Variants in RBFOX1 observed in about 807,000 individuals in gnomAD.
The protein encoded by RBFOX1 is RNA binding protein fox-1 homolog 1.
Under a neutral mutation model 57.7 loss-of-function variants are expected in RBFOX1, and 8 were observed. The observed-to-expected ratio is 0.14, with a 90% CI of 0.08 to 0.25. The LOEUF is 0.25. Ranked by LOEUF, RBFOX1 falls within the 10% of genes least tolerant of loss-of-function variation. The probability of loss-of-function intolerance (pLI) is 1.00; values close to 1 mark genes in which losing one functional copy is unlikely to be tolerated. For missense variants in RBFOX1, 611 were observed against 548.5 expected (o/e 1.11, Z -1.14); for synonymous variants, 326 against 222.4 (o/e 1.47, Z -4.15).
At chr16:6,164,465 A>G (rs941942214) in intron 1 of RBFOX1, among the ~76,000 whole-genome samples, 1 of 131,530 alleles carries the variant, frequency 7.6e-6, no homozygotes, top group Admixed American at 8.1e-5. Flanking sequence ...GCATTGTTAT[A>G]TTGATTTTTT....
At chr16:5,351,152 G>C (rs769307885) in intron 1 of RBFOX1, among the ~76,000 whole-genome samples, 1 of 152,172 alleles carries the variant, frequency 6.6e-6, no homozygotes, top group Non-Finnish European at 1.5e-5. Flanking sequence ...CCCATGATGG[G>C]AGTCAGACTG....
At chr16:6,208,197 A>G (rs1361961150) in intron 1 of RBFOX1, among the ~76,000 whole-genome samples, 1 of 152,008 alleles carries the variant, frequency 6.6e-6, no homozygotes, top group Non-Finnish European at 1.5e-5. Context: ...TTTTTGTAAA[A>G]CTATAAGTTT....
intron 4 of RBFOX1, among the ~76,000 whole-genome samples, chr16:5,912,125 C>T (rs898239267): frequency 6.6e-6 from 1 of 152,152 alleles, no homozygotes; most frequent in African/African-American, 2.4e-5. Flanking sequence ...CAGACCTGAG[C>T]TTCACACCCA....
intron 4 of RBFOX1, among the ~76,000 whole-genome samples, chr16:7,309,150 C>T (rs1009102819): frequency 6.6e-6 from 1 of 152,194 alleles, no homozygotes; most frequent in Admixed American, 6.5e-5. Context: ...CAGTCTCTTT[C>T]TAGAGGGATG....
intron 3 of RBFOX1, among the ~76,000 whole-genome samples, chr16:6,779,784 TTTTTATATATAC>T (rs1221912579): frequency 0.075 from 492 of 6,526 alleles, 142 homozygotes; most frequent in African/African-American, 0.42. Flanking sequence ...TTTATATATA[TTTTTATATATAC>T]TTTTATATAT....
At chr16:5,899,714 A>T (rs1490489682) in intron 4 of RBFOX1, among the ~76,000 whole-genome samples, 1 of 152,182 alleles carries the variant, frequency 6.6e-6, no homozygotes, top group Non-Finnish European at 1.5e-5. Flanking sequence ...GGGGCCATGG[A>T]AGATTCCAAC....
intron 3 of RBFOX1, among the ~76,000 whole-genome samples, chr16:6,713,825 C>G (rs1328385297): frequency 6.6e-6 from 1 of 152,096 alleles, no homozygotes; most frequent in East Asian, 1.9e-4. Context: ...AGACTTCTCC[C>G]AGGTAGTAGG....
intron 2 of RBFOX1, among the ~76,000 whole-genome samples, chr16:5,531,719 C>T (rs930661881): frequency 6.6e-6 from 1 of 152,122 alleles, no homozygotes; most frequent in African/African-American, 2.4e-5. Flanking sequence ...ATAGCAAGAG[C>T]CCATTAAGTA....
At chr16:7,276,892 C>A (rs1013804834) in intron 4 of RBFOX1, among the ~76,000 whole-genome samples, 4 of 152,100 alleles carry the variant, frequency 2.6e-5, no homozygotes, top group African/African-American at 9.7e-5. Flanking sequence ...TGAGTGGAAT[C>A]TCAAATGTTT....
chr16:7,388,512 T>C (rs74012528), intron 4 of RBFOX1, among the ~76,000 whole-genome samples: 12,354 of 152,034 alleles, frequency 0.081, 544 homozygotes, highest in East Asian at 0.2. Flanking sequence ...ACTTGTTTCA[T>C]CCCCTTCCCT....
At chr16:5,678,912 G>A (rs2050247338) in intron 3 of RBFOX1, among the ~76,000 whole-genome samples, 1 of 152,188 alleles carries the variant, frequency 6.6e-6, no homozygotes, top group Non-Finnish European at 1.5e-5. Flanking sequence ...CGGAAGAAGA[G>A]CGATGGCTTA....
At chr16:7,552,677 A>C (rs1276462844) in intron 5 of RBFOX1, among the ~76,000 whole-genome samples, 1 of 151,758 alleles carries the variant, frequency 6.6e-6, no homozygotes, top group Non-Finnish European at 1.5e-5. Context: ...CTAATTTGCC[A>C]CTCTTGTTTT....
At chr16:6,495,613 C>T (rs1598227581) in intron 2 of RBFOX1, among the ~76,000 whole-genome samples, 1 of 152,238 alleles carries the variant, frequency 6.6e-6, no homozygotes, top group South Asian at 2.1e-4. Flanking sequence ...CCTTAGCTCA[C>T]AGCTCTGCCT....
chr16:5,427,604 CAA>C (rs1567494887), intron 1 of RBFOX1, among the ~76,000 whole-genome samples: 1 of 151,578 alleles, frequency 6.6e-6, no homozygotes, highest in Non-Finnish European at 1.5e-5. Context: ...CAAAACAAAA[CAA>C]AACAAAACAA....
chr16:5,287,202 G>T (rs1220186085), intron 1 of RBFOX1, among the ~76,000 whole-genome samples: 1 of 152,162 alleles, frequency 6.6e-6, no homozygotes, highest in Admixed American at 6.5e-5. Flanking sequence ...CTATGTAGGA[G>T]GCTGAAGGGG....
chr16:5,909,787 C>T lies in RBFOX1; in HGVS notation c.351+42452C>T, dbSNP rs949782871. 7.2e-5 allele frequency among the ~76,000 whole-genome samples: 11 copies of T among 152,164 alleles called. 1 individual carries two copies. The South Asian group carries it at 1.7e-3, about 23-fold the overall frequency. On this transcript the variant is annotated intron_variant, in intron 4 of 19. Coordinates refer to the RBFOX1 transcript ENST00000641259. ...AGCAACGTGGCTGGGCGTGGTGGCT[C>T]AGGCCTGTAATCTCAGCACTTTGGG...
chr16:7,173,309 A>C (rs2081059746), intron 4 of RBFOX1, among the ~76,000 whole-genome samples: 1 of 152,166 alleles, frequency 6.6e-6, no homozygotes, highest in African/African-American at 2.4e-5. Flanking sequence ...AATTTGAAGA[A>C]ACTAATAGCT....
At chr16:7,619,682 G>T (rs554694945) in intron 10 of RBFOX1, among the ~76,000 whole-genome samples, 85 of 152,302 alleles carry the variant, frequency 5.6e-4, no homozygotes, top group African/African-American at 1.9e-3. Flanking sequence ...TTCCCAAGAA[G>T]ATAAGAAGAG....
chr16:5,379,666 A>G (rs1222354366), intron 1 of RBFOX1, among the ~76,000 whole-genome samples: 1 of 152,110 alleles, frequency 6.6e-6, no homozygotes, highest in African/African-American at 2.4e-5. Context: ...AACCAACTGG[A>G]CCAGATAGAT....
Sources: allele counts gnomAD v4.1 joint callset (sites outside exome capture counted in the v4.1 genomes callset), GRCh38; gene constraint gnomAD v4.1.1; transcripts MANE v1.5; gene names NCBI Gene and HGNC (gene_info 2026-07-23, HGNC 2026-07-21).